Variants in SH3RF3 observed in about 807,000 individuals in gnomAD.
The protein encoded by SH3RF3 is E3 ubiquitin-protein ligase SH3RF3.
A neutral mutation model predicts 66.3 loss-of-function variants in SH3RF3; 29 were observed. The ratio of observed to expected loss-of-function variants is 0.44; its 90% CI spans 0.33 to 0.60. The LOEUF is 0.60. Among genes scored for constraint, SH3RF3 ranks in the 20% least tolerant of loss-of-function variants. The probability of loss-of-function intolerance (pLI) is 0.04; values close to 1 mark genes in which losing one functional copy is unlikely to be tolerated. For synonymous variants in SH3RF3, 583 were observed against 532.0 expected (o/e 1.10, Z -1.32); for missense variants, 1,194 against 1,190.9 (o/e 1.00, Z -0.04).
rs116175585 is a variant in SH3RF3 at position 109,352,938 on chromosome 2, A to G, written c.849+4989A>G. Among the ~76,000 whole-genome samples the G allele has an allele frequency of 9.3e-3, 1,419 of 152,374 alleles. 19 individuals are homozygous for G. The highest frequency in any genetic ancestry group is 0.032 in the African/African-American group (1,351 of 41,588). On this transcript the variant is annotated intron_variant, in intron 2 of 9. Transcript: ENST00000309415. ...TGGGCTGTATCTGAAGCTTTGCCAG[A>G]AATTTTCAGAACCTACACAGAATGT...
rs116791084 is a variant in SH3RF3, at chr2:109,434,441, C to A, written c.1574+1770C>A. Among the ~76,000 whole-genome samples, 752 of 152,334 alleles carry A rather than the reference C, an allele frequency of 4.9e-3. 3 individuals carry two copies. The highest frequency in any genetic ancestry group is 8.4e-3 in the Non-Finnish European group (570 of 68,030). On this transcript the variant is annotated intron_variant, in intron 6 of 9. Transcript: ENST00000309415. ...GAGATGTAAAGCCTGCGGTTGAAAT[C>A]CAGCTTCCTTGCGTAGCATTGGGAC... is the stretch of plus-strand genomic sequence containing the variant.
Position 109,396,801 on chromosome 2 carries a change from C to A in SH3RF3, c.946-1789C>A, listed in dbSNP as rs570328253. 2.6e-5 allele frequency among the ~76,000 whole-genome samples: 4 copies of A among 152,384 alleles called. No homozygotes were observed. The South Asian group carries it at 8.3e-4, about 32-fold the overall frequency. Reference sequence around the variant, plus strand: ...GCCTATGCCAAGCTTACACCCATGGCTGGCCACAGAGCGGGCGTGACTCTG... The same window carrying A: ...GCCTATGCCAAGCTTACACCCATGGATGGCCACAGAGCGGGCGTGACTCTG... On this transcript the variant is annotated intron_variant, in intron 3 of 9. Transcript: ENST00000309415.
intron 1 of SH3RF3, among the ~76,000 whole-genome samples, chr2:109,292,468 T>C (rs1186100594): frequency 6.6e-6 from 1 of 152,242 alleles, no homozygotes; most frequent in Non-Finnish European, 1.5e-5. Flanking sequence ...TTCATAGCTG[T>C]GGAAGAAATC....
At chr2:109,187,809 CA>C (rs1480151004) in intron 1 of SH3RF3, among the ~76,000 whole-genome samples, 1 of 152,202 alleles carries the variant, frequency 6.6e-6, no homozygotes, top group African/African-American at 2.4e-5. Context: ...CCTCTGACAC[CA>C]TCCTCTGCCA....
At chr2:109,423,697 C>T (rs1324369741) in intron 5 of SH3RF3, among the ~76,000 whole-genome samples, 1 of 152,214 alleles carries the variant, frequency 6.6e-6, no homozygotes, top group Non-Finnish European at 1.5e-5. Context: ...CGCCCAGCCT[C>T]CTTTGACAGT....
At position 109,422,057 on chromosome 2, in the gene SH3RF3, T is replaced by C. The variant is rs185647236; in HGVS notation, c.1403+2415T>C. 1.1e-3 allele frequency among the ~76,000 whole-genome samples: 164 copies of C among 152,310 alleles called. 1 individual carries two copies. The highest frequency in any genetic ancestry group is 3.9e-3 in the African/African-American group (161 of 41,566). On this transcript the variant is annotated intron_variant, in intron 5 of 9. Transcript: ENST00000309415. ...CTCTTTAACTCTAAGAAGCTAGTAT[T>C]CCCACACATACCCTACCAGTGGCAA...
intron 4 of SH3RF3, among the ~76,000 whole-genome samples, chr2:109,404,912 C>G (rs1192631365): frequency 6.6e-6 from 1 of 152,128 alleles, no homozygotes; most frequent in Non-Finnish European, 1.5e-5. Context: ...CTTCCTGAAC[C>G]TGTCCCCTTT....
At chr2:109,269,196 A>G (rs987412645) in intron 1 of SH3RF3, among the ~76,000 whole-genome samples, 9 of 152,196 alleles carry the variant, frequency 5.9e-5, no homozygotes, top group African/African-American at 1.4e-4. Flanking sequence ...TTCCTCTCCA[A>G]CCTTCGCCCT....
At chr2:109,192,167 T>C (rs1307814561) in intron 1 of SH3RF3, among the ~76,000 whole-genome samples, 1 of 152,212 alleles carries the variant, frequency 6.6e-6, no homozygotes, top group Admixed American at 6.5e-5. Context: ...GGTTCGGTTC[T>C]ACATATGGCA....
chr2:109,249,467 C>CCCTT (rs1680005007), intron 1 of SH3RF3, among the ~76,000 whole-genome samples: 1 of 99,290 alleles, frequency 1.0e-5, no homozygotes, highest in Non-Finnish European at 2.0e-5. Flanking sequence ...TTCTCTCTTT[C>CCCTT]TCTTTCTTTC....
At chr2:109,401,781 G>A (rs556020135) in intron 4 of SH3RF3, among the ~76,000 whole-genome samples, 6 of 152,286 alleles carry the variant, frequency 3.9e-5, no homozygotes, top group East Asian at 1.9e-4. Context: ...CATGGCCTCC[G>A]TGTTAAAACA....
At chr2:109,248,892 G>GTCCTGTCCTT (rs1679987478) in intron 1 of SH3RF3, among the ~76,000 whole-genome samples, 1 of 1,254 alleles carries the variant, frequency 8.0e-4, no homozygotes, top group Non-Finnish European at 6.7e-3. Flanking sequence ...GTCCTTTCCT[G>GTCCTGTCCTT]TCCTGTCCTG....
chr2:109,132,653 T>C (rs1676725541), intron 1 of SH3RF3, among the ~76,000 whole-genome samples: 1 of 152,242 alleles, frequency 6.6e-6, no homozygotes, highest in Non-Finnish European at 1.5e-5. Context: ...TCTTAAAGTG[T>C]GTTCATATGT....
intron 1 of SH3RF3, among the ~76,000 whole-genome samples, chr2:109,165,152 A>G (rs988174742): frequency 6.6e-6 from 1 of 152,084 alleles, no homozygotes; most frequent in African/African-American, 2.4e-5. Context: ...AACTTAGGTC[A>G]TCAACTTGCT....
chr2:109,180,703 T>C (rs568394662), intron 1 of SH3RF3, among the ~76,000 whole-genome samples: 278 of 152,318 alleles, frequency 1.8e-3, no homozygotes, highest in African/African-American at 5.8e-3. Flanking sequence ...TGCTCCTCCT[T>C]TCCTTCCACC....
intron 1 of SH3RF3, among the ~76,000 whole-genome samples, chr2:109,347,171 C>T (rs527875242): frequency 2.0e-5 from 3 of 152,188 alleles, no homozygotes; most frequent in Non-Finnish European, 4.4e-5. Flanking sequence ...TGGATACTTG[C>T]TAGAAGTCTG....
intron 8 of SH3RF3, among the ~76,000 whole-genome samples, chr2:109,478,524 C>T (rs563063306): frequency 9.8e-4 from 149 of 152,286 alleles, no homozygotes; most frequent in African/African-American, 3.5e-3. Context: ...GAGGTTCAGT[C>T]CTTGGCATTT....
chr2:109,266,179 G>A (rs773660214), intron 1 of SH3RF3, among the ~76,000 whole-genome samples: 9 of 151,224 alleles, frequency 6.0e-5, no homozygotes, highest in East Asian at 1.9e-4. Context: ...TGTGTTGTGC[G>A]TGCATGTGTG....
chr2:109,411,370 T>C (rs1233733179), intron 4 of SH3RF3, among the ~76,000 whole-genome samples: 7 of 152,344 alleles, frequency 4.6e-5, no homozygotes, highest in Non-Finnish European at 8.8e-5. Flanking sequence ...TGGCTGCTCA[T>C]CTCTGCCCCT....
Sources: gnomAD v4.1 joint callset for allele counts (sites outside exome capture counted in the v4.1 genomes callset) on GRCh38, gnomAD v4.1.1 for gene constraint, MANE v1.5 for transcripts, NCBI Gene and HGNC (gene_info 2026-07-23, HGNC 2026-07-21) for gene names.